Variants in SVIL observed in about 807,000 individuals in gnomAD.
The protein encoded by SVIL is archvillin.
In SVIL, 101 loss-of-function variants were observed where a neutral mutation model predicts 240.4. That is an observed-to-expected ratio of 0.42 (90% CI 0.36 to 0.50). The LOEUF (loss-of-function observed/expected upper bound fraction) is 0.50. Ranked by LOEUF, SVIL falls within the 20% of genes least tolerant of loss-of-function variation. The pLI is 0.01. For synonymous variants in SVIL, 999 were observed against 1,100.0 expected, an observed-to-expected ratio of 0.91 and a Z score of 1.82; for missense variants, 2,512 against 2,818.7, an observed-to-expected ratio of 0.89 and a Z score of 2.46.
intron 1 of SVIL, among the ~76,000 whole-genome samples, chr10:29,582,159 G>A (rs865811682): frequency 6.6e-6 from 1 of 152,200 alleles, no homozygotes; most frequent in East Asian, 1.9e-4. Flanking sequence ...CACTGTGAGC[G>A]AATGCACCTA....
At chr10:29,723,515 C>T (rs545008310) in intron 1 of SVIL, among the ~76,000 whole-genome samples, 2 of 152,254 alleles carry the variant, frequency 1.3e-5, no homozygotes, top group Admixed American at 1.3e-4. Flanking sequence ...TTAGCAACAA[C>T]TGTTTGTCCC....
chr10:29,652,309 T>C (rs1958864572), intron 3 of SVIL, among the ~76,000 whole-genome samples: 1 of 152,196 alleles, frequency 6.6e-6, no homozygotes, highest in Non-Finnish European at 1.5e-5. Context: ...ACAGTTTGTG[T>C]TCTTTGGTGT....
chr10:29,637,381 G>C (rs570842414), upstream of SVIL, among the ~76,000 whole-genome samples: 1 of 152,196 alleles, frequency 6.6e-6, no homozygotes, highest in Admixed American at 6.5e-5. Context: ...CAGTTACTAG[G>C]GAGGCTAAGG....
chr10:29,695,274 A>G (rs1250787171), intron 1 of SVIL, among the ~76,000 whole-genome samples: 4 of 152,132 alleles, frequency 2.6e-5, no homozygotes, highest in Admixed American at 6.5e-5. Context: ...GACGTCTCCT[A>G]TGAGAAGGGG....
chr10:29,563,688 C>A (rs1219239098), intron 2 of SVIL, among the ~76,000 whole-genome samples: 1 of 152,170 alleles, frequency 6.6e-6, no homozygotes, highest in African/African-American at 2.4e-5. Context: ...TCTAGGTGAT[C>A]TACACTCTGT....
At chr10:29,727,073 C>T (rs980074369) in intron 1 of SVIL, among the ~76,000 whole-genome samples, 7 of 152,182 alleles carry the variant, frequency 4.6e-5, no homozygotes, top group Non-Finnish European at 8.8e-5. Flanking sequence ...GTTAGCTGAA[C>T]AAAGGAAAGA....
At chr10:29,708,257 C>CAAAAAAAAAAAAAAAAAAAAAAAAAAAAA (rs35982600) in intron 1 of SVIL, among the ~76,000 whole-genome samples, 1 of 62,708 alleles carries the variant, frequency 1.6e-5, no homozygotes, top group Non-Finnish European at 3.0e-5. Context: ...GACTCCATCT[C>CAAAAAAAAAAAAAAAAAAAAAAAAAAAAA]AAAAAAAAAA....
chr10:29,630,666 G>A (rs1057453057), intron 1 of SVIL, among the ~76,000 whole-genome samples: 2 of 151,982 alleles, frequency 1.3e-5, no homozygotes, highest in Admixed American at 6.6e-5. Flanking sequence ...GCAAAAGCAC[G>A]TGTACAGAAA....
At chr10:29,608,902 G>T (rs572995792) in intron 1 of SVIL, among the ~76,000 whole-genome samples, 1 of 152,172 alleles carries the variant, frequency 6.6e-6, no homozygotes, top group South Asian at 2.1e-4. Context: ...GGTGGAGTCC[G>T]CAACCTGGAG....
rs550712358 is a variant in SVIL at position 29,544,154 on chromosome 10, C to T, written c.827+6443G>A. Among the ~76,000 whole-genome samples, 8 of 152,298 alleles carry T rather than the reference C, an allele frequency of 5.3e-5. No individual in the cohort carries two copies. The South Asian group carries it at 1.7e-3, about 32-fold the overall frequency. ...CCTGTTACCAAAGTGAAGTCAAATG[C>T]AGCACAGTCAAATTAGTTTCTCCAT... On this transcript the variant is annotated intron_variant, in intron 6 of 37. Coordinates refer to ENST00000355867, the MANE Select transcript of SVIL (RefSeq NM_021738.3).
chr10:29,509,328 A>AGGGG (rs1564540828), intron 17 of SVIL, among the ~76,000 whole-genome samples: 2 of 91,856 alleles, frequency 2.2e-5, no homozygotes, highest in African/African-American at 8.2e-5. Context: ...AAGGAGGGGG[A>AGGGG]GGGAGAGAGA....
intron 2 of SVIL, among the ~76,000 whole-genome samples, chr10:29,683,146 T>G (rs1358458376): frequency 6.6e-6 from 1 of 152,176 alleles, no homozygotes; most frequent in Non-Finnish European, 1.5e-5. Flanking sequence ...TCCAGAAAAG[T>G]GGGACAACTG....
chr10:29,722,861 T>G (rs1265739836), intron 1 of SVIL, among the ~76,000 whole-genome samples: 1 of 152,288 alleles, frequency 6.6e-6, no homozygotes, highest in East Asian at 1.9e-4. Flanking sequence ...GGCTGGGAAG[T>G]GAATGTGACC....
intron 2 of SVIL, among the ~76,000 whole-genome samples, chr10:29,680,122 C>T (rs1321496872): frequency 6.6e-6 from 1 of 152,144 alleles, no homozygotes; most frequent in African/African-American, 2.4e-5. Flanking sequence ...GGGGTTGAGG[C>T]TGCAGTGAGC....
chr10:29,650,808 C>A (rs569827644), intron 3 of SVIL, among the ~76,000 whole-genome samples: 6 of 152,148 alleles, frequency 3.9e-5, no homozygotes, highest in Admixed American at 3.3e-4. Context: ...CATAAGTTGG[C>A]CATGGTGGCA....
chr10:29,708,466 C>G (rs1311636348), intron 1 of SVIL, among the ~76,000 whole-genome samples: 4 of 142,916 alleles, frequency 2.8e-5, no homozygotes, highest in Non-Finnish European at 4.6e-5. Flanking sequence ...ACTAAAAATA[C>G]AAAAATTAGC....
chr10:29,495,732 C>T (rs951647702), intron 18 of SVIL, among the ~76,000 whole-genome samples: 1 of 152,174 alleles, frequency 6.6e-6, no homozygotes. Flanking sequence ...TCCTGTCCAT[C>T]TCCCGTGTGG....
chr10:29,586,562 C>G (rs1227843514), intron 1 of SVIL, among the ~76,000 whole-genome samples: 1 of 152,148 alleles, frequency 6.6e-6, no homozygotes, highest in Non-Finnish European at 1.5e-5. Context: ...ACCTGACTAT[C>G]TAGTTATATT....
chr10:29,707,326 T>A (rs559016140), intron 1 of SVIL, among the ~76,000 whole-genome samples: 1 of 152,248 alleles, frequency 6.6e-6, no homozygotes, highest in East Asian at 1.9e-4. Flanking sequence ...GAGCAGTGGT[T>A]TGTAGTTCTC....
Sources: allele counts gnomAD v4.1 joint callset (sites outside exome capture counted in the v4.1 genomes callset), GRCh38; gene constraint gnomAD v4.1.1; transcripts MANE v1.5; gene names NCBI Gene and HGNC (gene_info 2026-07-23, HGNC 2026-07-21).